Variants in CD160 observed in about 807,000 individuals in gnomAD.
CD160 encodes the protein CD160 molecule.
CD160 carries 11 observed loss-of-function variants against 19.2 expected under a neutral mutation model. The ratio of observed to expected loss-of-function variants is 0.57; its 90% CI spans 0.36 to 0.95. The LOEUF (loss-of-function observed/expected upper bound fraction) is 0.95. CD160 is among the 40% of genes least tolerant of loss of function. CD160 has a pLI of 0.01. For missense variants in CD160, 182 were observed against 213.2 expected, an observed-to-expected ratio of 0.85 and a Z score of 0.91; for synonymous variants, 75 against 81.1, an observed-to-expected ratio of 0.93 and a Z score of 0.40.
chr1:145,732,630 T>C (rs1453376022), intron 4 of CD160, among the ~76,000 whole-genome samples: 2 of 152,146 alleles, frequency 1.3e-5, no homozygotes, highest in Admixed American at 6.5e-5. Flanking sequence ...AATCGACATA[T>C]CATCTTTCTA....
intron 3 of CD160, among the ~76,000 whole-genome samples, 165 bp downstream of exon 3, chr1:145,728,565 G>C (rs1194619476): frequency 6.8e-6 from 1 of 148,024 alleles, no homozygotes; most frequent in Admixed American, 6.9e-5. Flanking sequence ...GTGCAGTGGC[G>C]CGATCTCGGC....
chr1:145,720,035 A>G (rs905764652), intron 1 of CD160, among the ~76,000 whole-genome samples: 1 of 152,228 alleles, frequency 6.6e-6, no homozygotes, highest in Non-Finnish European at 1.5e-5. Context: ...ATTTTCACTA[A>G]TCTTTAATTG....
chr1:145,730,302 A>G (rs1425499986), intron 3 of CD160, among the ~76,000 whole-genome samples: 1 of 152,178 alleles, frequency 6.6e-6, no homozygotes, highest in African/African-American at 2.4e-5. Flanking sequence ...CCTGGGTGAC[A>G]CAGCAAGACC....
At chr1:145,722,644 T>C (rs1553707959) in intron 1 of CD160, among the ~76,000 whole-genome samples, 1 of 152,216 alleles carries the variant, frequency 6.6e-6, no homozygotes, top group African/African-American at 2.4e-5. Context: ...CAGGCTGGAG[T>C]GCAGTAGCGC....
intron 2 of CD160, among the ~76,000 whole-genome samples, chr1:145,727,762 C>T (rs1553708580): frequency 2.0e-5 from 3 of 152,090 alleles, no homozygotes; most frequent in African/African-American, 7.2e-5. Context: ...TACTAATGAC[C>T]AATAAGCATA....
At chr1:145,721,842 C>G (rs1367969613) in intron 1 of CD160, among the ~76,000 whole-genome samples, 1 of 152,196 alleles carries the variant, frequency 6.6e-6, no homozygotes, top group African/African-American at 2.4e-5. Context: ...TTCCACATCC[C>G]TCATCCAGAA....
rs1019874584 is a variant in CD160 at position 145,731,033 on chromosome 1, C to G, written c.363C>G (p.Ile121Met). 2 of 1,614,018 alleles carry G rather than the reference C, an allele frequency of 1.2e-6. No homozygotes were observed. The highest frequency in any genetic ancestry group is 2.7e-5 in the African/African-American group (2 of 74,918). The change falls in exon 4 of 6, where the codon ATC becomes ATG. Residue 121 changes from isoleucine (I) to methionine (M), a missense_variant. Ile to Met is a conservative substitution (Grantham distance 10). Coordinates refer to ENST00000369288, the MANE Select transcript of CD160 (RefSeq NM_007053.4). ...QCCARSQKSGIRLQGHFFSIL... is the reference protein window; with the variant it reads ...QCCARSQKSGMRLQGHFFSIL... ...GTGCCAGAAGCCAGAAGTCAGGTAT[C>G]CGCCTTCAGGGCCATTTTTTCTCCA...
At chr1:145,736,355 G>A (rs1657495214) in intron 5 of CD160, 1 of 1,360,558 alleles carries the variant, frequency 7.3e-7, no homozygotes, top group Non-Finnish European at 9.9e-7. Context: ...ATGGGTAGGA[G>A]GTAAGACTCA....
chr1:145,735,973 A>T, intron 4 of CD160, 24 bp from the exon 5 acceptor site: 1 of 1,567,114 alleles, frequency 6.4e-7, no homozygotes. Flanking sequence ...CCCTCCCCTG[A>T]TCCATGATTC....
At chr1:145,726,955 A>G (rs1553708478) in intron 2 of CD160, among the ~76,000 whole-genome samples, 2 of 152,178 alleles carry the variant, frequency 1.3e-5, no homozygotes, top group East Asian at 3.8e-4. Flanking sequence ...AATTGAACAT[A>G]TCCCAATTTT....
Position 145,728,353 on chromosome 1 carries a change from GC to G in CD160, c.27del (p.Cys10ValfsTer31). 1 of 1,613,418 alleles carries G rather than the reference GC, an allele frequency of 6.2e-7. No homozygotes were observed. Among genetic ancestry groups the G allele is most frequent in the Non-Finnish European group, 8.5e-7 (1 of 1,179,742 alleles). On this transcript the variant is annotated frameshift_variant, in exon 3 of 6. Coordinates refer to ENST00000369288, the MANE Select transcript of CD160 (RefSeq NM_007053.4). LOFTEE classifies it high-confidence loss of function. MLLEPGRGCCALAILLAIV... is the reference protein window; with the variant it reads MLLEPGRGXCALAILLAIV... ...ATGCTGTTGGAACCCGGCAGAGGCT[GC>G]TGTGCCCTGGCCATCCTGCTGGCAA...
At chr1:145,730,642 G>A in intron 3 of CD160, 102 bp from the exon 4 acceptor site, 1 of 896,260 alleles carries the variant, frequency 1.1e-6, no homozygotes, top group Non-Finnish European at 1.7e-6. Flanking sequence ...GCCAGGTTCT[G>A]CTTCAGTCCT....
At chr1:145,724,041 C>T (rs914954499) in intron 1 of CD160, among the ~76,000 whole-genome samples, 2 of 152,106 alleles carry the variant, frequency 1.3e-5, no homozygotes, top group Admixed American at 6.5e-5. Context: ...CCCAAAGCTC[C>T]GTAACAATGT....
chr1:145,726,930 C>T (rs1657072974), intron 2 of CD160, among the ~76,000 whole-genome samples: 1 of 152,058 alleles, frequency 6.6e-6, no homozygotes, highest in South Asian at 2.1e-4. Flanking sequence ...TCAGTTCTCC[C>T]TAAGTTAAAA....
chr1:145,727,987 T>A (rs1275410571), intron 2 of CD160, among the ~76,000 whole-genome samples: 1 of 152,198 alleles, frequency 6.6e-6, no homozygotes, highest in East Asian at 1.9e-4. Context: ...AAAGTTTTAA[T>A]CATCATATTC....
chr1:145,719,557 G>A lies in CD160; in HGVS notation c.-181G>A, dbSNP rs956417591. ...AACAAGAAAGAAGAACTTCTGTCTC[G>A]AGGTAAAAAGGCCTGCTGGGGACCT... is the stretch of plus-strand genomic sequence containing the variant. On this transcript the variant is annotated splice_region_variant and 5_prime_UTR_variant, in exon 1 of 6. Coordinates refer to ENST00000369288, the MANE Select transcript of CD160 (RefSeq NM_007053.4). 1 of 152,422 alleles carries A rather than the reference G, an allele frequency of 6.6e-6. No individual in the cohort carries two copies. The highest frequency in any genetic ancestry group is 2.4e-5 in the African/African-American group (1 of 41,468). 9.4% of individuals were successfully genotyped at this position (152,422 alleles called of 1,614,324 possible).
intron 2 of CD160, among the ~76,000 whole-genome samples, chr1:145,726,267 G>A (rs985913014): frequency 5.9e-5 from 9 of 152,040 alleles, no homozygotes; most frequent in African/African-American, 1.7e-4. Context: ...ATCATTCTAC[G>A]ATAAAGATGC....
chr1:145,729,439 C>T (rs868975996), intron 3 of CD160, among the ~76,000 whole-genome samples: 1 of 152,074 alleles, frequency 6.6e-6, no homozygotes, highest in South Asian at 2.1e-4. Flanking sequence ...TGGATTTAAC[C>T]GAGGTTGGGG....
intron 5 of CD160, chr1:145,736,874 T>A (rs1657516600): frequency 6.6e-6 from 1 of 152,460 alleles, no homozygotes; most frequent in Admixed American, 6.5e-5. Context: ...AAAAAACCTG[T>A]ATGATGAATC....
Sources: allele counts gnomAD v4.1 joint callset (sites outside exome capture counted in the v4.1 genomes callset), GRCh38; gene constraint gnomAD v4.1.1; transcripts MANE v1.5; gene names NCBI Gene and HGNC (gene_info 2026-07-23, HGNC 2026-07-21).